ST3GAL6: variants seen among roughly 807,000 people sequenced by gnomAD.
The protein encoded by ST3GAL6 is type 2 lactosamine alpha-2,3-sialyltransferase.
ST3GAL6 carries 31 observed loss-of-function variants against 40.5 expected under a neutral mutation model. The observed-to-expected ratio is 0.77, with a 90% confidence interval of 0.58 to 1.03. The LOEUF is 1.03. Among genes scored for constraint, ST3GAL6 ranks in the 50% least tolerant of loss-of-function variants. The probability of loss-of-function intolerance (pLI) is 0.00; values close to 1 mark genes in which losing one functional copy is unlikely to be tolerated. For synonymous variants in ST3GAL6, 129 were observed against 136.9 expected (o/e 0.94, Z 0.40); for missense variants, 357 against 393.2 (o/e 0.91, Z 0.78).
chr3:98,751,374 T>G (rs1937000205), intron 1 of ST3GAL6, among the ~76,000 whole-genome samples: 1 of 152,190 alleles, frequency 6.6e-6, no homozygotes, highest in South Asian at 2.1e-4. Context: ...CATAATTTCT[T>G]TAGGTTCAAA....
intron 5 of ST3GAL6, among the ~76,000 whole-genome samples, chr3:98,778,386 C>A (rs962814736): frequency 6.6e-6 from 1 of 152,186 alleles, no homozygotes; most frequent in African/African-American, 2.4e-5. Context: ...GAAAAAGAGT[C>A]CTAACTCTAA....
At chr3:98,778,084 A>G (rs1323914302) in intron 5 of ST3GAL6, among the ~76,000 whole-genome samples, 1 of 152,116 alleles carries the variant, frequency 6.6e-6, no homozygotes, top group Non-Finnish European at 1.5e-5. Flanking sequence ...CCCATCCCCA[A>G]CCACCAACAT....
chr3:98,745,013 CT>C lies in ST3GAL6; in HGVS notation c.-12+12493del, dbSNP rs71120600. Among the ~76,000 whole-genome samples, 991 of 146,746 alleles carry C rather than the reference CT, an allele frequency of 6.8e-3. 8 individuals carry two copies. Among genetic ancestry groups the C allele is most frequent in the African/African-American group, 0.017 (685 of 40,306 alleles). On this transcript the variant is annotated intron_variant, in intron 1 of 9. Transcript: ENST00000265261. ...AGATCGTCTTTAAACTGCCTTACAA[CT>C]TTTTTTTTTTTAAATTTTATTTATT... is the stretch of plus-strand genomic sequence containing the variant.
chr3:98,766,590 T>C (rs911530521), intron 1 of ST3GAL6, among the ~76,000 whole-genome samples: 4 of 152,008 alleles, frequency 2.6e-5, no homozygotes, highest in African/African-American at 7.3e-5. Context: ...CCGGCTAATT[T>C]TTTTGCATTT....
rs751416003 is a variant in ST3GAL6, at chr3:98,793,627, ACTTTGAG to A, written c.910-47_910-41del. The A allele has an allele frequency of 1.8e-4, 225 of 1,278,732 alleles. 2 individuals carry two copies. Among genetic ancestry groups the A allele is most frequent in the Non-Finnish European group, 5.4e-6 (5 of 918,854 alleles). The allele number at this position is 1,278,732 out of a possible 1,614,324, so 79.2% of individuals were successfully genotyped here. On this transcript the variant is annotated intron_variant, in intron 9 of 9. Transcript: ENST00000483910. The stretch of plus-strand genomic sequence containing the variant: ...AAAGTACTCCATTGGTGCTGCTAAT[ACTTTGAG>A]ATTGGGAAAGAATGATGGTAATTGT...
At chr3:98,746,617 A>G (rs899756213) in intron 1 of ST3GAL6, among the ~76,000 whole-genome samples, 1 of 152,200 alleles carries the variant, frequency 6.6e-6, no homozygotes, top group Non-Finnish European at 1.5e-5. Context: ...TCTTCTTTAT[A>G]GAAAATAACG....
At chr3:98,776,556 G>C (rs1381430855) in intron 5 of ST3GAL6, among the ~76,000 whole-genome samples, 1 of 152,150 alleles carries the variant, frequency 6.6e-6, no homozygotes, top group African/African-American at 2.4e-5. Flanking sequence ...TGGGTCTGTA[G>C]GTCAGAGAGG....
intron 1 of ST3GAL6, chr3:98,733,667 C>T: frequency 3.3e-6 from 3 of 903,772 alleles, no homozygotes; most frequent in Non-Finnish European, 4.0e-6. Flanking sequence ...TTGAGGCCGC[C>T]GGCTCCGGAG....
At chr3:98,736,165 C>T (rs910199029) in intron 1 of ST3GAL6, among the ~76,000 whole-genome samples, 4 of 152,142 alleles carry the variant, frequency 2.6e-5, no homozygotes, top group Admixed American at 6.5e-5. Flanking sequence ...CCTTCCTCTT[C>T]CTGCACCATT....
intron 1 of ST3GAL6, among the ~76,000 whole-genome samples, chr3:98,765,564 A>T (rs138095875): frequency 0.013 from 2,034 of 152,332 alleles, 37 homozygotes; most frequent in South Asian, 0.097. Flanking sequence ...ATTGAGTTTA[A>T]TTTGGCATAT....
At chr3:98,736,283 T>C (rs1935538169) in intron 1 of ST3GAL6, among the ~76,000 whole-genome samples, 1 of 152,252 alleles carries the variant, frequency 6.6e-6, no homozygotes, top group South Asian at 2.1e-4. Flanking sequence ...CCCCTTCTTA[T>C]ATGCTTAGCC....
intron 8 of ST3GAL6, among the ~76,000 whole-genome samples, chr3:98,789,966 G>A (rs1286414919): frequency 6.6e-6 from 1 of 152,132 alleles, no homozygotes; most frequent in Non-Finnish European, 1.5e-5. Context: ...GCTGTCCAGA[G>A]GTTGAATGTA....
At chr3:98,791,453 C>T (rs888685032) in intron 8 of ST3GAL6, among the ~76,000 whole-genome samples, 2 of 152,168 alleles carry the variant, frequency 1.3e-5, no homozygotes, top group African/African-American at 4.8e-5. Flanking sequence ...CCTTATATTT[C>T]ATACACGTGT....
At chr3:98,752,661 C>T (rs1394232676) in intron 1 of ST3GAL6, among the ~76,000 whole-genome samples, 5 of 151,896 alleles carry the variant, frequency 3.3e-5, no homozygotes, top group Non-Finnish European at 2.9e-5. Context: ...TTAGTAGAGA[C>T]GGGGTTTCAC....
chr3:98,791,244 C>A (rs993289775), intron 8 of ST3GAL6, among the ~76,000 whole-genome samples: 9 of 152,066 alleles, frequency 5.9e-5, no homozygotes, highest in African/African-American at 2.2e-4. Flanking sequence ...TATAATGGTG[C>A]AGCTGAGATT....
At chr3:98,745,065 GCT>G (rs1936436226) in intron 1 of ST3GAL6, among the ~76,000 whole-genome samples, 1 of 150,878 alleles carries the variant, frequency 6.6e-6, no homozygotes, top group East Asian at 1.9e-4. Context: ...ATGGAGTCTT[GCT>G]CTGTCACCCA....
chr3:98,787,904 C>A, intron 6 of ST3GAL6, 132 bp from the exon 7 acceptor site: 2 of 669,346 alleles, frequency 3.0e-6, no homozygotes, highest in Non-Finnish European at 4.9e-6. Flanking sequence ...AAAGATTGAT[C>A]TATTGCTTTG....
upstream of ST3GAL6, among the ~76,000 whole-genome samples, chr3:98,759,064 G>A (rs1937570744): frequency 6.6e-6 from 1 of 152,090 alleles, no homozygotes; most frequent in Admixed American, 6.5e-5. Context: ...TACCTACAAA[G>A]AATAAATTGC....
intron 1 of ST3GAL6, among the ~76,000 whole-genome samples, chr3:98,764,621 C>T (rs993399495): frequency 6.6e-6 from 1 of 152,138 alleles, no homozygotes; most frequent in Non-Finnish European, 1.5e-5. Context: ...GGTAGTATAA[C>T]GCATGGCCTG....
Sources: gnomAD v4.1 joint callset for allele counts (sites outside exome capture counted in the v4.1 genomes callset) on GRCh38, gnomAD v4.1.1 for gene constraint, MANE v1.5 for transcripts, NCBI Gene and HGNC (gene_info 2026-07-23, HGNC 2026-07-21) for gene names.